AFG2B: variants seen among roughly 807,000 people sequenced by gnomAD.
AFG2B encodes the protein AAA ATPase AFG2B.
the AFG2B span, chr15:45,405,312 G>A: frequency 1.2e-6 from 2 of 1,612,122 alleles, no homozygotes; most frequent in Non-Finnish European, 1.7e-6. Flanking sequence ...GTTTTGCTTT[G>A]CATATAGGTG....
At chr15:45,403,516 G>C in the AFG2B span, 3 of 1,603,502 alleles carry the variant, frequency 1.9e-6, no homozygotes, top group African/African-American at 1.4e-5. Context: ...ATTTGACCGA[G>C]AGGTGAATGG....
chr15:45,415,858 A>T, the AFG2B span: 1 of 1,323,354 alleles, frequency 7.6e-7, no homozygotes. Context: ...CATTAAATAT[A>T]ATGCATATAT....
the AFG2B span, chr15:45,402,931 G>A: frequency 6.3e-7 from 1 of 1,598,050 alleles, no homozygotes; most frequent in South Asian, 1.1e-5. Context: ...CATCGTCGGC[G>A]GGACGCCCAG....
the AFG2B span, among the ~76,000 whole-genome samples, chr15:45,419,971 C>T: frequency 1.8e-5 from 2 of 112,856 alleles, no homozygotes; most frequent in East Asian, 6.0e-4. Context: ...GCCTGGGTGA[C>T]AGAGCAAGAC....
At chr15:45,416,242 A>C in the AFG2B span, among the ~76,000 whole-genome samples, 1 of 152,252 alleles carries the variant, frequency 6.6e-6, no homozygotes, top group Non-Finnish European at 1.5e-5. Context: ...CCTGGCCAAC[A>C]TAGCAAGGCC....
At chr15:45,418,476 A>T in the AFG2B span, 14 of 1,414,730 alleles carry the variant, frequency 9.9e-6, no homozygotes, top group African/African-American at 1.5e-5. Context: ...AAGGAAACTC[A>T]AGCTAAAAAT....
At chr15:45,405,579 G>C in the AFG2B span, 3 of 1,441,404 alleles carry the variant, frequency 2.1e-6, no homozygotes, top group South Asian at 2.5e-5. Context: ...TTAAAAAAAA[G>C]CGGTGAGTAC....
At chr15:45,417,400 G>A in the AFG2B span, 5 of 1,613,720 alleles carry the variant, frequency 3.1e-6, no homozygotes, top group Non-Finnish European at 4.2e-6. Flanking sequence ...AGATCACAAG[G>A]TAGTCATTTA....
chr15:45,419,434 C>G, the AFG2B span, among the ~76,000 whole-genome samples: 2 of 151,614 alleles, frequency 1.3e-5, no homozygotes, highest in African/African-American at 4.9e-5. Flanking sequence ...TGCACTCCAG[C>G]CTGGGTGACA....
the AFG2B span, chr15:45,402,877 G>A: frequency 3.9e-5 from 63 of 1,598,384 alleles, no homozygotes; most frequent in Non-Finnish European, 5.0e-5. Context: ...GGGCCACGTG[G>A]TGGTCGCTCC....
At chr15:45,415,611 A>C in the AFG2B span, 71 of 1,613,892 alleles carry the variant, frequency 4.4e-5, no homozygotes, top group Non-Finnish European at 5.8e-5. Context: ...AAGAGCAAGC[A>C]CTCCAGCAAT....
chr15:45,402,494 G>C, the AFG2B span: 8 of 1,609,748 alleles, frequency 5.0e-6, no homozygotes, highest in Non-Finnish European at 6.8e-6. Context: ...TTAGACGCTA[G>C]AGACCGGGGC....
At chr15:45,412,270 G>T in the AFG2B span, among the ~76,000 whole-genome samples, 1 of 151,970 alleles carries the variant, frequency 6.6e-6, no homozygotes, top group Non-Finnish European at 1.5e-5. Context: ...GTGTGGTGGC[G>T]CAAGCCTGTA....
the AFG2B span, among the ~76,000 whole-genome samples, chr15:45,410,704 C>CCAA: frequency 6.6e-5 from 10 of 152,266 alleles, 1 homozygote; most frequent in South Asian, 2.1e-3. Flanking sequence ...CTGTGGATGT[C>CCAA]TAAACTGGTT....
the AFG2B span, among the ~76,000 whole-genome samples, chr15:45,412,281 A>T: frequency 6.6e-6 from 1 of 152,088 alleles, no homozygotes; most frequent in Non-Finnish European, 1.5e-5. Flanking sequence ...CAAGCCTGTA[A>T]TCCCAACTAC....
the AFG2B span, among the ~76,000 whole-genome samples, chr15:45,414,365 A>G: frequency 1.3e-5 from 2 of 152,202 alleles, no homozygotes; most frequent in African/African-American, 4.8e-5. Flanking sequence ...ATTTTATTCT[A>G]GTTCTAATAG....
the AFG2B span, among the ~76,000 whole-genome samples, chr15:45,410,087 A>G: frequency 1.3e-5 from 2 of 152,320 alleles, no homozygotes; most frequent in South Asian, 2.1e-4. Context: ...ACAGGCTGAT[A>G]TAGTATGGTT....
chr15:45,405,232 C>T, the AFG2B span: 1 of 1,303,024 alleles, frequency 7.7e-7, no homozygotes, highest in Non-Finnish European at 1.0e-6. Context: ...ATTCTGCTGT[C>T]TACCTCCATC....
At chr15:45,403,715 AT>A in the AFG2B span, among the ~76,000 whole-genome samples, 1 of 152,094 alleles carries the variant, frequency 6.6e-6, no homozygotes, top group South Asian at 2.1e-4. Flanking sequence ...CCAGAGTCAA[AT>A]TGTCAGGACC....
Sources: allele counts gnomAD v4.1 joint callset (sites outside exome capture counted in the v4.1 genomes callset), GRCh38; gene constraint gnomAD v4.1.1; transcripts MANE v1.5; gene names NCBI Gene and HGNC (gene_info 2026-07-23, HGNC 2026-07-21).